Variants in CDKAL1 observed in about 807,000 individuals in gnomAD.
The protein encoded by CDKAL1 is CDKAL1 threonylcarbamoyladenosine tRNA methylthiotransferase.
CDKAL1 carries 32 observed loss-of-function variants against 68.2 expected under a neutral mutation model. The observed-to-expected ratio is 0.47, with a 90% CI of 0.35 to 0.63. The LOEUF (loss-of-function observed/expected upper bound fraction) is 0.63. Among genes scored for constraint, CDKAL1 ranks in the 30% least tolerant of loss-of-function variants. The pLI is 0.00. For missense variants in CDKAL1, 606 were observed against 696.7 expected (o/e 0.87, Z 1.47); for synonymous variants, 234 against 244.3 (o/e 0.96, Z 0.39).
chr6:20,864,034 C>T (rs896374163), intron 9 of CDKAL1, among the ~76,000 whole-genome samples: 47 of 152,118 alleles, frequency 3.1e-4, no homozygotes, highest in Non-Finnish European at 1.5e-5. Flanking sequence ...TTAGGAGAAA[C>T]TTGGCACGAT....
chr6:20,614,581 C>T (rs1445631621), intron 4 of CDKAL1, among the ~76,000 whole-genome samples: 1 of 152,112 alleles, frequency 6.6e-6, no homozygotes, highest in Non-Finnish European at 1.5e-5. Flanking sequence ...TTCAAACGTA[C>T]CCACAAGTAG....
chr6:20,744,301 G>T (rs1404228331), intron 6 of CDKAL1, among the ~76,000 whole-genome samples: 1 of 152,154 alleles, frequency 6.6e-6, no homozygotes, highest in Non-Finnish European at 1.5e-5. Context: ...AGTAAAAAAA[G>T]AGTAGTAGAC....
chr6:21,050,317 C>T (rs547027269), intron 11 of CDKAL1, among the ~76,000 whole-genome samples: 20 of 152,308 alleles, frequency 1.3e-4, no homozygotes, highest in Non-Finnish European at 2.1e-4. Flanking sequence ...TGGCTGGCAA[C>T]GCCCTGCCTG....
chr6:20,596,838 C>G (rs894670177), intron 4 of CDKAL1, among the ~76,000 whole-genome samples: 2 of 152,232 alleles, frequency 1.3e-5, no homozygotes, highest in African/African-American at 4.8e-5. Flanking sequence ...AGTATCTGGG[C>G]TGAAGTGCAC....
chr6:21,138,948 G>A (rs892352836), intron 13 of CDKAL1, among the ~76,000 whole-genome samples: 7 of 152,106 alleles, frequency 4.6e-5, no homozygotes, highest in South Asian at 2.1e-4. Flanking sequence ...CGGCGACCTC[G>A]CACTGTCTCC....
At chr6:20,850,658 G>C (rs1182690429) in intron 9 of CDKAL1, among the ~76,000 whole-genome samples, 1 of 152,082 alleles carries the variant, frequency 6.6e-6, no homozygotes, top group African/African-American at 2.4e-5. Flanking sequence ...GGCTGGTCTT[G>C]AACTCCTGGC....
intron 12 of CDKAL1, among the ~76,000 whole-genome samples, chr6:21,065,990 T>C (rs1562002379): frequency 6.6e-6 from 1 of 151,406 alleles, no homozygotes; most frequent in Non-Finnish European, 1.5e-5. Context: ...TTGCCTTTAA[T>C]TACCGCAATT....
At chr6:20,976,518 T>C (rs551897432) in intron 10 of CDKAL1, among the ~76,000 whole-genome samples, 2 of 152,294 alleles carry the variant, frequency 1.3e-5, no homozygotes, top group Non-Finnish European at 2.9e-5. Context: ...AAAAACTTTT[T>C]ATTGTGGTAT....
At chr6:20,600,462 T>G (rs1766032396) in intron 4 of CDKAL1, among the ~76,000 whole-genome samples, 1 of 152,094 alleles carries the variant, frequency 6.6e-6, no homozygotes, top group Non-Finnish European at 1.5e-5. Context: ...TTTTAGGCCC[T>G]TGAAGACGCC....
chr6:20,540,614 C>T (rs1259255230), intron 2 of CDKAL1, among the ~76,000 whole-genome samples: 1 of 151,958 alleles, frequency 6.6e-6, no homozygotes, highest in African/African-American at 2.4e-5. Flanking sequence ...CACCACCATG[C>T]CTGGCTAATT....
chr6:20,915,393 G>T (rs536977070), intron 9 of CDKAL1, among the ~76,000 whole-genome samples: 1 of 152,242 alleles, frequency 6.6e-6, no homozygotes, highest in East Asian at 1.9e-4. Context: ...TGGGCAGGCT[G>T]GAAATTTCAC....
intron 11 of CDKAL1, among the ~76,000 whole-genome samples, chr6:21,017,269 AG>A (rs113468643): frequency 0.066 from 10,061 of 152,214 alleles, 1,056 homozygotes; most frequent in African/African-American, 0.23. Flanking sequence ...TGTTGAATGA[AG>A]GGTTTCTTTT....
chr6:20,919,741 C>T (rs555577844), intron 9 of CDKAL1, among the ~76,000 whole-genome samples: 1 of 152,244 alleles, frequency 6.6e-6, no homozygotes, highest in Non-Finnish European at 1.5e-5. Flanking sequence ...TGCCCAGCAC[C>T]TTTTGAACAC....
intron 12 of CDKAL1, among the ~76,000 whole-genome samples, chr6:21,079,845 C>T (rs902730390): frequency 1.3e-5 from 2 of 152,292 alleles, no homozygotes; most frequent in East Asian, 3.9e-4. Context: ...TTTTCCCCTA[C>T]TTGATTTTAT....
chr6:20,787,822 A>T (rs1357170556), intron 8 of CDKAL1, among the ~76,000 whole-genome samples: 2 of 152,228 alleles, frequency 1.3e-5, no homozygotes, highest in Non-Finnish European at 2.9e-5. Context: ...AAGGCAGTTT[A>T]ACGTCACTAC....
chr6:20,891,536 A>ATT (rs5874791), intron 9 of CDKAL1, among the ~76,000 whole-genome samples: 23,170 of 127,186 alleles, frequency 0.18, 2,389 homozygotes, highest in Middle Eastern at 0.25. Flanking sequence ...TTTTTTCTGT[A>ATT]TTTTTTTTTT....
intron 8 of CDKAL1, among the ~76,000 whole-genome samples, chr6:20,844,916 A>G (rs575483861): frequency 2.0e-5 from 3 of 152,338 alleles, no homozygotes; most frequent in Admixed American, 2.0e-4. Flanking sequence ...ATTTGTGTTT[A>G]TTTTAAAAAT....
At chr6:20,845,179 C>T (rs1182501616) in intron 8 of CDKAL1, among the ~76,000 whole-genome samples, 4 of 152,050 alleles carry the variant, frequency 2.6e-5, no homozygotes, top group East Asian at 3.9e-4. Context: ...AATTTTAAAG[C>T]ATTTGTGTAC....
Position 21,231,180 on chromosome 6 carries a change from T to A in CDKAL1, c.*141T>A, listed in dbSNP as rs1172946405. 1.7e-6 allele frequency: 1 copy of A among 578,604 alleles called. No homozygotes were observed. The highest frequency in any genetic ancestry group is 2.9e-6 in the Non-Finnish European group (1 of 348,062). 35.8% of individuals were successfully genotyped at this position (578,604 alleles called of 1,614,324 possible). On this transcript the variant is annotated 3_prime_UTR_variant, in exon 16 of 16. Coordinates refer to ENST00000274695, the MANE Select transcript of CDKAL1 (RefSeq NM_017774.3). ...CCTCCTTCTCAGCCACTCTTCTTAA[T>A]GAGGCTCCCCCTGTCTCACATTGAG...
Sources: gnomAD v4.1 joint callset for allele counts (sites outside exome capture counted in the v4.1 genomes callset) on GRCh38, gnomAD v4.1.1 for gene constraint, MANE v1.5 for transcripts, NCBI Gene and HGNC (gene_info 2026-07-23, HGNC 2026-07-21) for gene names.